The following CIROZ variants were observed in gnomAD, a reference collection of about 807,000 sequenced individuals.
CIROZ encodes ciliated left-right organizer ZP-N domains-containing protein.
the CIROZ span, among the ~76,000 whole-genome samples, chr1:10,971,226 G>A: frequency 6.7e-6 from 1 of 149,238 alleles, no homozygotes; most frequent in Non-Finnish European, 1.5e-5. Flanking sequence ...ACCACTCCAG[G>A]CAGAGAGCAC....
the CIROZ span, among the ~76,000 whole-genome samples, chr1:10,975,258 T>C: frequency 1.3e-5 from 2 of 151,340 alleles, no homozygotes; most frequent in Admixed American, 6.6e-5. Flanking sequence ...ATGCAAAAAT[T>C]AGCCAGGCGT....
At chr1:10,972,423 AC>A in the CIROZ span, among the ~76,000 whole-genome samples, 8,730 of 118,800 alleles carry the variant, frequency 0.073, 520 homozygotes, top group African/African-American at 0.21. Context: ...TCTGAAATAC[AC>A]ACACACACAC....
At chr1:10,981,956 T>C in the CIROZ span, 17 of 1,528,828 alleles carry the variant, frequency 1.1e-5, no homozygotes, top group Non-Finnish European at 1.5e-5. Flanking sequence ...TCAAGGAGTG[T>C]GGGCACACTA....
At chr1:10,952,267 T>G in the CIROZ span, among the ~76,000 whole-genome samples, 1 of 152,078 alleles carries the variant, frequency 6.6e-6, no homozygotes, top group African/African-American at 2.4e-5. Context: ...GGGGAGAGAT[T>G]CATTCTGGTT....
the CIROZ span, chr1:10,948,612 G>A: frequency 6.2e-7 from 1 of 1,614,104 alleles, no homozygotes; most frequent in African/African-American, 1.3e-5. Flanking sequence ...CACGGGCAGG[G>A]TCAGAGCCGG....
chr1:10,962,135 G>A, the CIROZ span, among the ~76,000 whole-genome samples: 7 of 151,988 alleles, frequency 4.6e-5, no homozygotes, highest in East Asian at 1.9e-4. Context: ...TGTTTGAGCC[G>A]CACAGTGCCT....
the CIROZ span, chr1:10,954,153 A>C: frequency 6.2e-7 from 1 of 1,609,500 alleles, no homozygotes; most frequent in African/African-American, 1.3e-5. Context: ...CTGTGGGGCC[A>C]CAAGAAATTA....
chr1:10,972,158 T>C, the CIROZ span, among the ~76,000 whole-genome samples: 31,150 of 152,136 alleles, frequency 0.2, 3,384 homozygotes, highest in Non-Finnish European at 0.23. Flanking sequence ...CATCGTGAGA[T>C]TGTTCAGCCC....
the CIROZ span, among the ~76,000 whole-genome samples, chr1:10,972,956 A>T: frequency 6.6e-6 from 1 of 151,934 alleles, no homozygotes; most frequent in Admixed American, 6.6e-5. Context: ...TTTAAAATAA[A>T]AAAAAAAAGA....
the CIROZ span, among the ~76,000 whole-genome samples, chr1:10,951,235 A>G: frequency 6.6e-6 from 1 of 151,532 alleles, no homozygotes; most frequent in Non-Finnish European, 1.5e-5. Context: ...GGAGTTTAAG[A>G]ACAGCCTGGG....
At chr1:10,964,103 C>G in the CIROZ span, 1 of 1,609,520 alleles carries the variant, frequency 6.2e-7, no homozygotes, top group Non-Finnish European at 8.5e-7. Context: ...CCTCTGCCAC[C>G]TCCCAGACCC....
At chr1:10,954,268 C>T in the CIROZ span, 9 of 1,097,262 alleles carry the variant, frequency 8.2e-6, no homozygotes, top group Admixed American at 2.5e-4. Context: ...ATCTGGCTAA[C>T]ACAGTGAAAC....
At chr1:10,955,470 A>G in the CIROZ span, among the ~76,000 whole-genome samples, 1 of 152,208 alleles carries the variant, frequency 6.6e-6, no homozygotes, top group Non-Finnish European at 1.5e-5. Context: ...GAAGCTGCAG[A>G]AATGTCTCTA....
At chr1:10,960,321 T>G in the CIROZ span, among the ~76,000 whole-genome samples, 1 of 152,062 alleles carries the variant, frequency 6.6e-6, no homozygotes, top group Non-Finnish European at 1.5e-5. The surrounding 1 kb of genome is among the most constrained non-coding windows in gnomAD (Gnocchi z 4.6). Context: ...CGAGGTTCGC[T>G]TCAACCTGGG....
chr1:10,964,123 A>C, the CIROZ span: 1 of 1,613,322 alleles, frequency 6.2e-7, no homozygotes, highest in Non-Finnish European at 8.5e-7. Context: ...CCCCGAACCC[A>C]TTACCTGGAT....
chr1:10,958,933 C>T, the CIROZ span, among the ~76,000 whole-genome samples: 1 of 152,156 alleles, frequency 6.6e-6, no homozygotes, highest in Non-Finnish European at 1.5e-5. Flanking sequence ...ACTCGAGTGT[C>T]AACAGACGCA....
At chr1:10,969,314 G>T in the CIROZ span, among the ~76,000 whole-genome samples, 1 of 151,990 alleles carries the variant, frequency 6.6e-6, no homozygotes, top group Non-Finnish European at 1.5e-5. Context: ...CCTCCAGAAG[G>T]TTCCAGAAGG....
chr1:10,951,730 T>TA, the CIROZ span, among the ~76,000 whole-genome samples: 1,306 of 125,318 alleles, frequency 0.01, 7 homozygotes, highest in African/African-American at 0.012. Flanking sequence ...GTCTCTTATT[T>TA]AAAAAAAAAA....
chr1:10,948,817 C>T, the CIROZ span: 1 of 1,510,990 alleles, frequency 6.6e-7, no homozygotes. Flanking sequence ...GCCGGTTTGG[C>T]TGTTTGCAGG....
Sources: allele counts gnomAD v4.1 joint callset (sites outside exome capture counted in the v4.1 genomes callset), GRCh38; gene constraint gnomAD v4.1.1; non-coding constraint Gnocchi (gnomAD v3.1); transcripts MANE v1.5; gene names NCBI Gene and HGNC (gene_info 2026-07-23, HGNC 2026-07-21).